Variants in EZR observed in about 807,000 individuals in gnomAD.
EZR encodes cytovillin 2.
In EZR, 40 loss-of-function variants were observed where a neutral mutation model predicts 74.8. The observed-to-expected ratio is 0.53, with a 90% CI of 0.42 to 0.70. EZR has a LOEUF of 0.70. Ranked by LOEUF, EZR falls within the 30% of genes least tolerant of loss-of-function variation. EZR has a pLI of 0.00. For missense variants in EZR, 678 were observed against 755.8 expected (o/e 0.90, Z 1.21); for synonymous variants, 341 against 283.3 (o/e 1.20, Z -2.05).
intron 2 of EZR, among the ~76,000 whole-genome samples, chr6:158,789,983 T>TA (rs1366948159): frequency 6.6e-5 from 10 of 152,226 alleles, no homozygotes; most frequent in African/African-American, 2.4e-4. Flanking sequence ...CACCATCTCA[T>TA]ATGAGCCTTA....
intron 2 of EZR, among the ~76,000 whole-genome samples, chr6:158,816,467 TAAAG>T (rs1295802676): frequency 2.0e-5 from 3 of 152,274 alleles, no homozygotes; most frequent in Non-Finnish European, 2.9e-5. Flanking sequence ...TTTAGTGAAA[TAAAG>T]AAAACCACAC....
At chr6:158,776,528 A>ATGGTTAGATGTATACATATGTTCT (rs1791284456) in intron 7 of EZR, 24 bp from the exon 8 acceptor site, 1 of 1,520,156 alleles carries the variant, frequency 6.6e-7, no homozygotes. Context: ...GAAGAAGTGG[A>ATGGTTAGATGTATACATATGTTCT]TGGTTAGATG....
At chr6:158,812,428 G>A (rs1453749613) in intron 2 of EZR, among the ~76,000 whole-genome samples, 1 of 152,160 alleles carries the variant, frequency 6.6e-6, no homozygotes, top group Non-Finnish European at 1.5e-5. Context: ...TCACCCTAGA[G>A]ATGGAAGTCA....
At position 158,816,403 on chromosome 6, in the gene EZR, G is replaced by A. The variant is rs551664099; in HGVS notation, c.12+1679C>T. ...AATGAGAAAGAAAAGTAGTGACGGA[G>A]AACAGGTTAACTTTTTCCTGAGTGC... On this transcript the variant is annotated intron_variant, in intron 2 of 13. Coordinates refer to ENST00000367075, the MANE Select transcript of EZR (RefSeq NM_001111077.2). 4.1e-4 allele frequency among the ~76,000 whole-genome samples: 63 copies of A among 152,304 alleles called. 1 individual carries two copies. The Middle Eastern group carries it at 0.01, about 25-fold the overall frequency.
At chr6:158,767,878 T>C (rs1790953625) in intron 12 of EZR, among the ~76,000 whole-genome samples, 1 of 152,124 alleles carries the variant, frequency 6.6e-6, no homozygotes, top group Non-Finnish European at 1.5e-5. Context: ...TGCTCGCCAC[T>C]TGCAGTCCTT....
At chr6:158,805,464 A>G (rs1777317612) in intron 2 of EZR, among the ~76,000 whole-genome samples, 1 of 152,190 alleles carries the variant, frequency 6.6e-6, no homozygotes, top group African/African-American at 2.4e-5. Flanking sequence ...CCCCTAGTTA[A>G]GATCACATGA....
intron 2 of EZR, among the ~76,000 whole-genome samples, chr6:158,817,286 T>C (rs1178152981): frequency 1.3e-5 from 2 of 152,274 alleles, no homozygotes; most frequent in Non-Finnish European, 2.9e-5. Flanking sequence ...GCAGGTAGAA[T>C]ACATACAACT....
chr6:158,782,076 C>G (rs1325396208), intron 7 of EZR, among the ~76,000 whole-genome samples: 1 of 152,138 alleles, frequency 6.6e-6, no homozygotes, highest in African/African-American at 2.4e-5. Context: ...GCTTCTTTAC[C>G]AATGCTGCAT....
chr6:158,795,865 G>A (rs759253796), intron 2 of EZR, among the ~76,000 whole-genome samples: 2 of 152,174 alleles, frequency 1.3e-5, no homozygotes, highest in Non-Finnish European at 2.9e-5. Context: ...CAGAGGGCCT[G>A]GGTTTGAGAG....
At chr6:158,793,137 A>T (rs1483014413) in intron 2 of EZR, among the ~76,000 whole-genome samples, 5 of 151,026 alleles carry the variant, frequency 3.3e-5, no homozygotes, top group Non-Finnish European at 5.9e-5. Flanking sequence ...CCTGGGCAAC[A>T]AGTCAAGACC....
intron 7 of EZR, among the ~76,000 whole-genome samples, chr6:158,782,754 C>G (rs1009074819): frequency 6.6e-6 from 1 of 152,230 alleles, no homozygotes; most frequent in African/African-American, 2.4e-5. Flanking sequence ...CTTCTCTTTC[C>G]AGAGGTAGTT....
At chr6:158,776,374 C>A in intron 8 of EZR, 34 bp downstream of exon 8, 2 of 1,521,120 alleles carry the variant, frequency 1.3e-6, no homozygotes, top group Non-Finnish European at 1.8e-6. Context: ...GAATGAAAAA[C>A]AGTAGCCCCT....
At chr6:158,799,949 C>T (rs371747766) in intron 2 of EZR, among the ~76,000 whole-genome samples, 1 of 152,194 alleles carries the variant, frequency 6.6e-6, no homozygotes, top group South Asian at 2.1e-4. Flanking sequence ...CAGTAACAGA[C>T]TGTTTTATAT....
At chr6:158,780,378 G>A (rs747991180) in intron 7 of EZR, among the ~76,000 whole-genome samples, 3 of 152,100 alleles carry the variant, frequency 2.0e-5, no homozygotes, top group Non-Finnish European at 2.9e-5. Flanking sequence ...CCAACCTCTA[G>A]TATATCATAT....
intron 2 of EZR, among the ~76,000 whole-genome samples, chr6:158,808,503 G>C (rs1276782284): frequency 6.6e-6 from 1 of 152,094 alleles, no homozygotes; most frequent in Non-Finnish European, 1.5e-5. Context: ...GGGCTGCTAA[G>C]TTAGAGGAAA....
At chr6:158,809,503 C>T (rs1777409507) in intron 2 of EZR, among the ~76,000 whole-genome samples, 1 of 152,246 alleles carries the variant, frequency 6.6e-6, no homozygotes, top group African/African-American at 2.4e-5. Flanking sequence ...CAAAGACCCA[C>T]CCAAACACCA....
intron 2 of EZR, among the ~76,000 whole-genome samples, chr6:158,816,663 T>C (rs1378228189): frequency 1.3e-5 from 2 of 152,228 alleles, no homozygotes; most frequent in Non-Finnish European, 2.9e-5. Context: ...GCATCACAAA[T>C]GAATCATCTT....
Position 158,805,450 on chromosome 6 carries a change from T to C in EZR, c.12+12632A>G, listed in dbSNP as rs180703975. Among the ~76,000 whole-genome samples, 592 of 152,280 alleles carry C rather than the reference T, an allele frequency of 3.9e-3. 1 individual carries two copies. The highest frequency in any genetic ancestry group is 0.01 in the Middle Eastern group (3 of 292). On this transcript the variant is annotated intron_variant, in intron 2 of 13. Transcript: ENST00000367075. ...TCTTGTGCCATTGCTGAGATAAATT[T>C]TTGCCCCTAGTTAAGATCACATGAG...
chr6:158,783,573 G>A lies in EZR; in HGVS notation c.645C>T (p.Asp215=). ...YFEIKNKKGT[D]LWLGVDALGL... ...CAAGGGCATCAACTCCAAGCCAAAG[G>A]TCTGTTCCTTTCTTGTTTTTTATCT... Residue 215 remains aspartate, a synonymous_variant, in exon 7 of 14, where the codon GAC becomes GAT. Coordinates refer to ENST00000367075, the MANE Select transcript of EZR (RefSeq NM_001111077.2). The A allele has an allele frequency of 6.2e-7, 1 of 1,613,334 alleles. No homozygotes were observed.
Sources: allele counts gnomAD v4.1 joint callset (sites outside exome capture counted in the v4.1 genomes callset), GRCh38; gene constraint gnomAD v4.1.1; transcripts MANE v1.5; gene names NCBI Gene and HGNC (gene_info 2026-07-23, HGNC 2026-07-21).